AK5: variants seen among roughly 807,000 people sequenced by gnomAD.
AK5 encodes adenylate kinase isoenzyme 5.
AK5 carries 27 observed loss-of-function variants against 69.5 expected under a neutral mutation model. The ratio of observed to expected loss-of-function variants is 0.39; its 90% confidence interval spans 0.29 to 0.54. The LOEUF is 0.54. Ranked by LOEUF, AK5 falls within the 20% of genes least tolerant of loss-of-function variation. AK5 has a pLI of 0.71. For missense variants in AK5, 531 were observed against 700.4 expected (o/e 0.76, Z 2.73); for synonymous variants, 260 against 244.4 (o/e 1.06, Z -0.60).
intron 12 of AK5, among the ~76,000 whole-genome samples, chr1:77,531,532 A>G (rs1658588343): frequency 6.6e-6 from 1 of 152,192 alleles, no homozygotes; most frequent in Admixed American, 6.5e-5. Context: ...AGCTAGATAC[A>G]GAGTGTTGAT....
chr1:77,285,889 T>C (rs1658321745), intron 1 of AK5, among the ~76,000 whole-genome samples: 1 of 152,150 alleles, frequency 6.6e-6, no homozygotes, highest in African/African-American at 2.4e-5. Context: ...AATATGCACC[T>C]ACCAAATGCC....
intron 6 of AK5, among the ~76,000 whole-genome samples, chr1:77,355,902 C>CAT (rs1176177559): frequency 3.0e-5 from 4 of 134,376 alleles, no homozygotes; most frequent in Admixed American, 7.5e-5. Flanking sequence ...CACACACACA[C>CAT]ACATATATAT....
At chr1:77,328,106 G>A (rs982113557) in intron 5 of AK5, among the ~76,000 whole-genome samples, 10 of 152,142 alleles carry the variant, frequency 6.6e-5, no homozygotes, top group African/African-American at 2.4e-4. Context: ...ATAGATGCCT[G>A]AATAATCAAG....
intron 1 of AK5, chr1:77,283,434 T>C (rs1282463711): frequency 9.9e-5 from 96 of 974,492 alleles, no homozygotes; most frequent in East Asian, 1.2e-4. Flanking sequence ...TGAGGGTTTT[T>C]CCCCCCGGTT....
Position 77,349,894 on chromosome 1 carries a change from T to G in AK5, c.891+9326T>G, listed in dbSNP as rs577753130. 5.9e-5 allele frequency among the ~76,000 whole-genome samples: 9 copies of G among 152,324 alleles called. No homozygotes were observed. The East Asian group carries it at 1.7e-3, about 29-fold the overall frequency. On this transcript the variant is annotated intron_variant, in intron 6 of 13. Transcript: ENST00000354567. ...CACTGTCCTTGTCTCCCTTAAGTCTTACGTTCCATTTCCCCATTATGATAG... is the reference window on the plus strand; with the variant it reads ...CACTGTCCTTGTCTCCCTTAAGTCTGACGTTCCATTTCCCCATTATGATAG...
At chr1:77,467,386 T>G (rs1654208574) in intron 8 of AK5, among the ~76,000 whole-genome samples, 1 of 152,232 alleles carries the variant, frequency 6.6e-6, no homozygotes, top group African/African-American at 2.4e-5. Context: ...AGACTTCTGT[T>G]CTGCGCAGAG....
At chr1:77,465,339 G>T (rs888119192) in intron 8 of AK5, among the ~76,000 whole-genome samples, 2 of 151,864 alleles carry the variant, frequency 1.3e-5, no homozygotes, top group Non-Finnish European at 2.9e-5. Context: ...GTCTGTTCTT[G>T]AGTTACCATG....
At position 77,446,913 on chromosome 1, in the gene AK5, C is replaced by T. The variant is rs375194747; in HGVS notation, c.1059+29198C>T. Among the ~76,000 whole-genome samples the T allele has an allele frequency of 2.5e-4, 38 of 152,258 alleles. 1 individual carries two copies. In the South Asian group the frequency reaches 6.8e-3, roughly 27 times the overall value. ...CTGAGTCCTGTTCCAATAGGTAAGT[C>T]GAGGGTTTGGGGCAAGTCCTATGAG... On this transcript the variant is annotated intron_variant, in intron 8 of 13. Coordinates refer to ENST00000354567, the MANE Select transcript of AK5 (RefSeq NM_174858.3).
Position 77,452,223 on chromosome 1 carries a change from A to G in AK5, c.1060-31094A>G, listed in dbSNP as rs561253277. On this transcript the variant is annotated intron_variant, in intron 8 of 13. Coordinates refer to ENST00000354567, the MANE Select transcript of AK5 (RefSeq NM_174858.3). ...TTTGTATGTATTTTCAAAATGAGCT[A>G]TGTTGTTCTATATATGTATGTCTTA... Among the ~76,000 whole-genome samples the G allele has an allele frequency of 1.6e-4, 24 of 152,308 alleles. No individual in the cohort carries two copies. The South Asian group carries it at 4.3e-3, about 28-fold the overall frequency.
At chr1:77,461,129 G>T (rs1253412252) in intron 8 of AK5, among the ~76,000 whole-genome samples, 1 of 151,168 alleles carries the variant, frequency 6.6e-6, no homozygotes, top group Non-Finnish European at 1.5e-5. Context: ...TGCCTCCTGG[G>T]TTCACACCAT....
At chr1:77,554,856 T>C (rs1316797531) in intron 13 of AK5, among the ~76,000 whole-genome samples, 1 of 151,288 alleles carries the variant, frequency 6.6e-6, no homozygotes, top group Non-Finnish European at 1.5e-5. Context: ...GACCTCGTGA[T>C]CCACCCGCCT....
At chr1:77,369,972 G>A (rs1188840909) in intron 6 of AK5, among the ~76,000 whole-genome samples, 1 of 152,180 alleles carries the variant, frequency 6.6e-6, no homozygotes, top group Admixed American at 6.5e-5. Flanking sequence ...ATGTGAGATA[G>A]CAGTTATATC....
chr1:77,325,133 A>G (rs1195222098), intron 5 of AK5, among the ~76,000 whole-genome samples: 1 of 148,750 alleles, frequency 6.7e-6, no homozygotes, highest in Non-Finnish European at 1.5e-5. Flanking sequence ...ACATGCCACC[A>G]TGCCTGGCTA....
chr1:77,309,548 A>G (rs7547493), intron 5 of AK5, among the ~76,000 whole-genome samples: 20,638 of 152,152 alleles, frequency 0.14, 1,696 homozygotes, highest in East Asian at 0.18. Flanking sequence ...GCTCATCCTT[A>G]TAACGATTTC....
At chr1:77,502,247 T>A (rs1007610599) in intron 10 of AK5, among the ~76,000 whole-genome samples, 1 of 152,186 alleles carries the variant, frequency 6.6e-6, no homozygotes, top group African/African-American at 2.4e-5. Context: ...TTCCCTATAT[T>A]TTTCTGCTCC....
chr1:77,478,171 G>A (rs1655060839), intron 8 of AK5, among the ~76,000 whole-genome samples: 1 of 152,186 alleles, frequency 6.6e-6, no homozygotes, highest in African/African-American at 2.4e-5. Context: ...CATCCATGAG[G>A]TTGCAGTGAG....
chr1:77,408,521 A>G lies in AK5; in HGVS notation c.892-2460A>G, dbSNP rs189290909. On this transcript the variant is annotated intron_variant, in intron 6 of 13. Transcript: ENST00000354567. ...TGTTTAAGTTTCTTATAAATTCTGG[A>G]TATTAGACCTTTGTTGGATGTGTAG... 2.7e-4 allele frequency among the ~76,000 whole-genome samples: 41 copies of G among 151,998 alleles called. No homozygotes were observed. The East Asian group carries it at 7.7e-3, about 29-fold the overall frequency.
At chr1:77,342,612 T>C (rs1293811074) in intron 6 of AK5, among the ~76,000 whole-genome samples, 1 of 152,176 alleles carries the variant, frequency 6.6e-6, no homozygotes, top group Non-Finnish European at 1.5e-5. Context: ...CTGGGGAATA[T>C]AATTTGAAAA....
rs192239561 is a variant in AK5, at chr1:77,353,410, G to T, written c.891+12842G>T. Among the ~76,000 whole-genome samples the T allele has an allele frequency of 1.9e-4, 29 of 152,172 alleles. No homozygotes were observed. The East Asian group carries it at 4.4e-3, about 23-fold the overall frequency. ...GGAGAATCGCTTGAACCCAGGAGGCGGATGTTGCAGTGAGCCAAAATCGTG... is the reference window on the plus strand; with the variant it reads ...GGAGAATCGCTTGAACCCAGGAGGCTGATGTTGCAGTGAGCCAAAATCGTG... On this transcript the variant is annotated intron_variant, in intron 6 of 13. Transcript: ENST00000354567.
Sources: gnomAD v4.1 joint callset for allele counts (sites outside exome capture counted in the v4.1 genomes callset) on GRCh38, gnomAD v4.1.1 for gene constraint, MANE v1.5 for transcripts, NCBI Gene and HGNC (gene_info 2026-07-23, HGNC 2026-07-21) for gene names.